Variants in ANKS1B observed in about 807,000 individuals in gnomAD.
ANKS1B encodes the protein ankyrin repeat and sterile alpha motif domain containing 1B, also known as ankyrin repeat and sterile alpha motif domain-containing protein 1B.
In ANKS1B, 36 loss-of-function variants were observed where a neutral mutation model predicts 148.3. That is an observed-to-expected ratio of 0.24 (90% CI 0.19 to 0.32). The LOEUF is 0.32. Among genes scored for constraint, ANKS1B ranks in the 10% least tolerant of loss-of-function variants. The pLI, the probability that ANKS1B is intolerant of heterozygous loss-of-function variation, is 1.00. For synonymous variants in ANKS1B, 542 were observed against 560.8 expected (o/e 0.97, Z 0.47); for missense variants, 1,157 against 1,542.6 (o/e 0.75, Z 4.19).
At chr12:99,276,798 T>C (rs2077733843) in intron 12 of ANKS1B, among the ~76,000 whole-genome samples, 1 of 152,126 alleles carries the variant, frequency 6.6e-6, no homozygotes, top group African/African-American at 2.4e-5. Flanking sequence ...GATGAAGAAA[T>C]CACCCTTTCT....
intron 15 of ANKS1B, among the ~76,000 whole-genome samples, chr12:99,117,808 CT>C (rs2061764751): frequency 6.6e-6 from 1 of 152,188 alleles, no homozygotes; most frequent in African/African-American, 2.4e-5. Flanking sequence ...TAGAATTCGG[CT>C]GTGAATCTGT....
At chr12:99,682,345 T>C (rs1329220508) in intron 8 of ANKS1B, among the ~76,000 whole-genome samples, 5 of 152,208 alleles carry the variant, frequency 3.3e-5, no homozygotes, top group African/African-American at 7.2e-5. Flanking sequence ...TTTTCCAAGA[T>C]AGACCATATA....
At chr12:99,504,447 T>G in intron 10 of ANKS1B, 29 bp downstream of exon 10, 2 of 1,595,040 alleles carry the variant, frequency 1.3e-6, no homozygotes, top group Non-Finnish European at 8.5e-7. Context: ...GTAAATTGAA[T>G]CAGGCCAATT....
At chr12:99,755,588 A>G (rs2061488276) in intron 8 of ANKS1B, among the ~76,000 whole-genome samples, 1 of 106,180 alleles carries the variant, frequency 9.4e-6, no homozygotes, top group Admixed American at 1.1e-4. Context: ...TGGATGCAAA[A>G]ATCCTCAAAA....
At chr12:98,931,039 C>T (rs2099813265) in intron 17 of ANKS1B, among the ~76,000 whole-genome samples, 1 of 151,826 alleles carries the variant, frequency 6.6e-6, no homozygotes, top group Non-Finnish European at 1.5e-5. Flanking sequence ...CAGAAAATGA[C>T]ATTTCAGGAA....
intron 9 of ANKS1B, among the ~76,000 whole-genome samples, chr12:99,518,635 T>C (rs2096845801): frequency 6.6e-6 from 1 of 152,094 alleles, no homozygotes; most frequent in Non-Finnish European, 1.5e-5. Context: ...TCAATCTGAG[T>C]CTGGCTAAAG....
chr12:99,461,692 G>C (rs1219581254), intron 10 of ANKS1B, among the ~76,000 whole-genome samples: 2 of 152,070 alleles, frequency 1.3e-5, no homozygotes, highest in East Asian at 1.9e-4. Context: ...TCCACCTCAA[G>C]CCTATCATCA....
chr12:99,463,176 G>A (rs917271252), intron 10 of ANKS1B, among the ~76,000 whole-genome samples: 4 of 152,192 alleles, frequency 2.6e-5, no homozygotes, highest in Non-Finnish European at 5.9e-5. Context: ...ACAAATAAAT[G>A]TATAAGCCTT....
intron 1 of ANKS1B, among the ~76,000 whole-genome samples, chr12:99,903,810 G>C (rs973893611): frequency 2.0e-5 from 3 of 151,858 alleles, no homozygotes; most frequent in Non-Finnish European, 4.4e-5. Context: ...GGCGATGGGT[G>C]CACCAAAACC....
intron 1 of ANKS1B, among the ~76,000 whole-genome samples, chr12:99,968,000 A>C (rs2153836083): frequency 6.6e-6 from 1 of 152,270 alleles, no homozygotes; most frequent in Middle Eastern, 3.4e-3. Flanking sequence ...TTATTGGTAC[A>C]GGATAAAACT....
At chr12:99,543,195 A>C (rs1241954219) in intron 9 of ANKS1B, among the ~76,000 whole-genome samples, 2 of 152,148 alleles carry the variant, frequency 1.3e-5, no homozygotes, top group Non-Finnish European at 2.9e-5. Flanking sequence ...AAGAAGATCT[A>C]CAAATGGCCA....
chr12:99,191,359 G>C (rs900596888), intron 14 of ANKS1B, among the ~76,000 whole-genome samples: 1 of 152,156 alleles, frequency 6.6e-6, no homozygotes, highest in Non-Finnish European at 1.5e-5. Flanking sequence ...ATACCCAAAG[G>C]AGTATAAATC....
At chr12:99,857,405 A>T (rs994208183) in intron 1 of ANKS1B, among the ~76,000 whole-genome samples, 10 of 152,200 alleles carry the variant, frequency 6.6e-5, no homozygotes, top group Non-Finnish European at 1.0e-4. Flanking sequence ...AAACAAATGG[A>T]AACATATCCC....
intron 15 of ANKS1B, among the ~76,000 whole-genome samples, chr12:99,131,275 T>C (rs1359571383): frequency 6.6e-6 from 1 of 152,238 alleles, no homozygotes; most frequent in African/African-American, 2.4e-5. Context: ...ATGAGTCTCT[T>C]TAGTTTTGCT....
At chr12:99,503,866 T>C (rs145164110) in intron 10 of ANKS1B, among the ~76,000 whole-genome samples, 8 of 152,258 alleles carry the variant, frequency 5.3e-5, no homozygotes, top group African/African-American at 1.7e-4. Context: ...TTCATTAGCT[T>C]TCATATAATC....
At chr12:99,337,965 T>C (rs939267740) in intron 12 of ANKS1B, among the ~76,000 whole-genome samples, 11 of 152,318 alleles carry the variant, frequency 7.2e-5, no homozygotes, top group African/African-American at 2.6e-4. Context: ...GAAATTGCAC[T>C]GGGTCAGATC....
chr12:99,509,782 C>G (rs2096745952), intron 9 of ANKS1B, among the ~76,000 whole-genome samples: 1 of 151,942 alleles, frequency 6.6e-6, no homozygotes, highest in Non-Finnish European at 1.5e-5. Flanking sequence ...GATGAAACAG[C>G]CTCATACCAG....
chr12:99,074,339 A>C (rs930955727), intron 16 of ANKS1B, among the ~76,000 whole-genome samples: 29 of 152,236 alleles, frequency 1.9e-4, no homozygotes, highest in Non-Finnish European at 3.5e-4. Flanking sequence ...TAAAAAAAAA[A>C]AAAACACTAA....
intron 10 of ANKS1B, among the ~76,000 whole-genome samples, chr12:99,492,287 A>C (rs1221706988): frequency 6.6e-6 from 1 of 152,206 alleles, no homozygotes; most frequent in African/African-American, 2.4e-5. Context: ...TATGCACATA[A>C]ACGAGAAAAC....
Sources: allele counts gnomAD v4.1 joint callset (sites outside exome capture counted in the v4.1 genomes callset), GRCh38; gene constraint gnomAD v4.1.1; transcripts MANE v1.5; gene names NCBI Gene and HGNC (gene_info 2026-07-23, HGNC 2026-07-21).